DCAF8L2: variants seen among roughly 807,000 people sequenced by gnomAD.
The protein encoded by DCAF8L2 is DDB1- and CUL4-associated factor 8-like protein 2.
For synonymous variants in DCAF8L2, 200 were observed against 190.9 expected, an observed-to-expected ratio of 1.05 and a Z score of -0.39; for missense variants, 430 against 490.7, an observed-to-expected ratio of 0.88 and a Z score of 1.17.
At chrX:27,691,821 A>T (rs941281119) in intron 3 of DCAF8L2, among the ~76,000 whole-genome samples, 6 of 111,766 alleles carry the variant, frequency 5.4e-5, no homozygotes, top group Admixed American at 1.9e-4. Flanking sequence ...GACAGCCTGA[A>T]GGAGGATAGG....
rs150593197 is a variant in DCAF8L2 at position 27,626,501 on chromosome X, A to G, written c.-341-5378A>G. Reference sequence around the variant, plus strand: ...AGGAAGAGGAGGTGGATCTCAGAGTAAAGAGGAAAATGATCAAACCACAAA... The same window carrying G: ...AGGAAGAGGAGGTGGATCTCAGAGTGAAGAGGAAAATGATCAAACCACAAA... On this transcript the variant is annotated intron_variant, in intron 1 of 4. Coordinates refer to ENST00000451261, the MANE Select transcript of DCAF8L2 (RefSeq NM_001353450.2). Among the ~76,000 whole-genome samples the G allele has an allele frequency of 8.4e-3, 936 of 112,059 alleles. 9 individuals carry two copies. Among genetic ancestry groups the G allele is most frequent in the African/African-American group, 0.029 (889 of 30,841 alleles).
At chrX:27,734,599 AAT>A (rs1429756105) in intron 4 of DCAF8L2, among the ~76,000 whole-genome samples, 2 of 112,200 alleles carry the variant, frequency 1.8e-5, no homozygotes, top group African/African-American at 6.5e-5. Context: ...TCTCAATAAT[AAT>A]AACATGTTTG....
In DCAF8L2 at chrX:27,736,583, TTTAA is replaced by T. The variant is rs1265356004; in HGVS notation, c.-58-10248_-58-10245del. ...GATAGAATGTGAGAAATTGTTCAAA[TTTAA>T]TTAATTTCCAATCATCTTGCCTTGC... On this transcript the variant is annotated intron_variant, in intron 4 of 4. Transcript: ENST00000451261. Among the ~76,000 whole-genome samples the T allele has an allele frequency of 3.6e-5, 4 of 112,356 alleles. No individual in the cohort carries two copies. In the South Asian group the frequency reaches 1.1e-3, roughly 31 times the overall value.
At chrX:27,732,493 CGTGTGT>C (rs139652032) in intron 4 of DCAF8L2, among the ~76,000 whole-genome samples, 1 of 84,168 alleles carries the variant, frequency 1.2e-5, no homozygotes, top group South Asian at 4.9e-4. Context: ...TGTGTGTGCG[CGTGTGT>C]GTGTGTGTGT....
chrX:27,541,195 T>G, the DCAF8L2 span, among the ~76,000 whole-genome samples: 2 of 111,562 alleles, frequency 1.8e-5, no homozygotes, highest in Non-Finnish European at 3.8e-5. Flanking sequence ...TCAATTTTTG[T>G]GTTTGGTTTC....
the DCAF8L2 span, among the ~76,000 whole-genome samples, chrX:27,545,084 G>A: frequency 1.8e-5 from 2 of 111,707 alleles, no homozygotes; most frequent in Non-Finnish European, 3.8e-5. Flanking sequence ...GGATGAAGAA[G>A]CTGGAAAAAA....
At chrX:27,587,982 AAAAAT>A (rs1293536569), upstream of DCAF8L2, among the ~76,000 whole-genome samples, 110 of 33,130 alleles carry the variant, frequency 3.3e-3, no homozygotes, top group South Asian at 0.01. Context: ...CATTAAAAAA[AAAAAT>A]ATATATATAT....
At chrX:27,595,438 C>T (rs931234513) in intron 1 of DCAF8L2, among the ~76,000 whole-genome samples, 2 of 111,438 alleles carry the variant, frequency 1.8e-5, no homozygotes, top group East Asian at 2.8e-4. Context: ...CTGACCATCT[C>T]GAATGTTCTC....
intron 3 of DCAF8L2, among the ~76,000 whole-genome samples, chrX:27,705,372 G>T (rs915553372): frequency 1.9e-4 from 21 of 111,626 alleles, no homozygotes; most frequent in Middle Eastern, 4.6e-3. Flanking sequence ...TTGAAGAACT[G>T]TTTTCCAAAG....
chrX:27,499,112 G>A, the DCAF8L2 span, among the ~76,000 whole-genome samples: 1 of 112,055 alleles, frequency 8.9e-6, no homozygotes, highest in African/African-American at 3.2e-5. Context: ...TGGATCATAT[G>A]GTAGTTATAT....
chrX:27,531,624 G>A, the DCAF8L2 span, among the ~76,000 whole-genome samples: 5 of 111,995 alleles, frequency 4.5e-5, no homozygotes, highest in Non-Finnish European at 7.5e-5. Flanking sequence ...GCCAAAAACT[G>A]TCTGAGAAAT....
chrX:27,667,925 A>G (rs1358487824), intron 2 of DCAF8L2, among the ~76,000 whole-genome samples: 1 of 112,236 alleles, frequency 8.9e-6, no homozygotes, highest in Non-Finnish European at 1.9e-5. Flanking sequence ...TACAAACTGA[A>G]TTGATAGAAA....
intron 1 of DCAF8L2, among the ~76,000 whole-genome samples, chrX:27,623,612 CA>C (rs768308912): frequency 8.4e-5 from 9 of 107,402 alleles, no homozygotes; most frequent in African/African-American, 2.4e-4. Flanking sequence ...TTACTGCCTA[CA>C]AAAAAAAATC....
chrX:27,595,516 T>C (rs1926312376), intron 1 of DCAF8L2, among the ~76,000 whole-genome samples: 1 of 112,091 alleles, frequency 8.9e-6, no homozygotes, highest in Non-Finnish European at 1.9e-5. Flanking sequence ...AGAGCAACCC[T>C]TTCTGATTTC....
the DCAF8L2 span, among the ~76,000 whole-genome samples, chrX:27,533,186 G>GAAAGAA: frequency 8.9e-5 from 2 of 22,347 alleles, no homozygotes; most frequent in Non-Finnish European, 2.1e-4. Context: ...AAGAAAGAAA[G>GAAAGAA]AAAGAAAGAA....
At chrX:27,724,386 A>G (rs988114429) in intron 4 of DCAF8L2, among the ~76,000 whole-genome samples, 3 of 111,028 alleles carry the variant, frequency 2.7e-5, no homozygotes, top group Admixed American at 9.6e-5. Context: ...GTAATTAATA[A>G]ACGTTAATTA....
chrX:27,544,261 AGATG>A, the DCAF8L2 span, among the ~76,000 whole-genome samples: 2 of 111,558 alleles, frequency 1.8e-5, no homozygotes, highest in Admixed American at 1.9e-4. Context: ...TGTAACTTCA[AGATG>A]ATAGAAAAGC....
chrX:27,645,888 A>G (rs748251037), intron 2 of DCAF8L2, among the ~76,000 whole-genome samples: 24 of 111,419 alleles, frequency 2.2e-4, no homozygotes, highest in African/African-American at 7.8e-4. Context: ...AAGGCGAACT[A>G]CAAACCATCC....
At chrX:27,578,049 C>T in the DCAF8L2 span, among the ~76,000 whole-genome samples, 1 of 111,464 alleles carries the variant, frequency 9.0e-6, no homozygotes, top group African/African-American at 3.3e-5. Flanking sequence ...CAAAAAACAA[C>T]TACTTTAAAA....
Sources: gnomAD v4.1 joint callset for allele counts (sites outside exome capture counted in the v4.1 genomes callset) on GRCh38, gnomAD v4.1.1 for gene constraint, MANE v1.5 for transcripts, NCBI Gene and HGNC (gene_info 2026-07-23, HGNC 2026-07-21) for gene names.